The following RAD51B variants were observed in gnomAD, a reference collection of about 807,000 sequenced individuals.
The protein encoded by RAD51B is DNA repair protein RAD51 homolog 2.
RAD51B carries 38 observed loss-of-function variants against 42.2 expected under a neutral mutation model. The ratio of observed to expected loss-of-function variants is 0.90; its 90% CI spans 0.70 to 1.18. RAD51B has a LOEUF of 1.18. Among genes scored for constraint, RAD51B ranks in the 50% most tolerant of loss-of-function variants. The pLI is 0.00. For synonymous variants in RAD51B, 154 were observed against 145.2 expected (o/e 1.06, Z -0.43); for missense variants, 373 against 400.7 (o/e 0.93, Z 0.59).
intron 10 of RAD51B, among the ~76,000 whole-genome samples, chr14:68,526,277 A>T (rs1174252706): frequency 6.6e-6 from 1 of 152,226 alleles, no homozygotes; most frequent in Non-Finnish European, 1.5e-5. Context: ...GTCATGTGCC[A>T]CATAACAATG....
chr14:68,037,819 A>C (rs2076158078), intron 7 of RAD51B, among the ~76,000 whole-genome samples: 1 of 152,230 alleles, frequency 6.6e-6, no homozygotes, highest in African/African-American at 2.4e-5. Flanking sequence ...TCTGTTTTGT[A>C]GAGATAAACA....
Position 67,865,120 on chromosome 14 carries a change from T to A in RAD51B, c.433T>A (p.Ser145Thr). 6.2e-7 allele frequency: 1 copy of A among 1,600,822 alleles called. No homozygotes were observed. The highest frequency in any genetic ancestry group is 8.5e-7 in the Non-Finnish European group (1 of 1,174,226). ...EGAVVYIDTESAFSAERLVEI... is the reference protein window; with the variant it reads ...EGAVVYIDTETAFSAERLVEI... ...AGCTGTGGTGTACATTGACACAGAG[T>A]CTGCATTTAGTGCTGAAAGGTATGA... The change falls in exon 5 of 11, where the codon TCT becomes ACT. Residue 145 changes from serine to threonine, a missense_variant. Coordinates refer to ENST00000471583, the MANE Select transcript of RAD51B (RefSeq NM_133510.4).
At chr14:68,004,384 A>G (rs1016904172) in intron 7 of RAD51B, among the ~76,000 whole-genome samples, 70 of 148,216 alleles carry the variant, frequency 4.7e-4, no homozygotes, top group African/African-American at 1.5e-3. Flanking sequence ...TTTTGTTACT[A>G]TTTTGTTTAA....
chr14:68,275,872 A>G (rs911173654), intron 7 of RAD51B, among the ~76,000 whole-genome samples: 2 of 149,384 alleles, frequency 1.3e-5, no homozygotes, highest in Non-Finnish European at 3.0e-5. Flanking sequence ...TGTTATTTCT[A>G]TTTTTTTGTC....
downstream of RAD51B, among the ~76,000 whole-genome samples, chr14:68,482,707 T>A (rs1457576916): frequency 3.9e-5 from 6 of 152,202 alleles, no homozygotes; most frequent in East Asian, 9.6e-4. Context: ...AAGGCACTCA[T>A]CACACTTCTC....
intron 7 of RAD51B, among the ~76,000 whole-genome samples, chr14:68,119,473 C>T: frequency 8.7e-6 from 1 of 114,690 alleles, no homozygotes. Context: ...CCCCCCTCCC[C>T]CCACCCCACA....
At chr14:68,573,948 G>T (rs530219846) in intron 10 of RAD51B, among the ~76,000 whole-genome samples, 11 of 148,400 alleles carry the variant, frequency 7.4e-5, no homozygotes, top group Non-Finnish European at 1.3e-4. Flanking sequence ...TGCTGTGTGT[G>T]TGGGGGTGTG....
intron 9 of RAD51B, among the ~76,000 whole-genome samples, chr14:68,423,861 CAACAG>C (rs1413713949): frequency 6.6e-6 from 1 of 152,164 alleles, no homozygotes; most frequent in African/African-American, 2.4e-5. Context: ...CTCTGTGTGG[CAACAG>C]AACACTTTTG....
At chr14:67,910,622 A>G (rs530058109) in intron 7 of RAD51B, among the ~76,000 whole-genome samples, 1 of 151,770 alleles carries the variant, frequency 6.6e-6, no homozygotes, top group South Asian at 2.1e-4. Context: ...CTGGATTTGT[A>G]TTTTACCATA....
chr14:67,970,567 T>C (rs1349438444), intron 7 of RAD51B, among the ~76,000 whole-genome samples: 1 of 152,076 alleles, frequency 6.6e-6, no homozygotes, highest in Non-Finnish European at 1.5e-5. Flanking sequence ...TTCTGTCATC[T>C]TGATAAACCT....
chr14:68,450,143 G>A (rs922681794), intron 9 of RAD51B, among the ~76,000 whole-genome samples: 5 of 151,400 alleles, frequency 3.3e-5, no homozygotes, highest in South Asian at 2.1e-4. Context: ...CCTGGTAGGC[G>A]GATAGGAGCA....
intron 7 of RAD51B, among the ~76,000 whole-genome samples, chr14:67,924,284 T>G (rs1031876494): frequency 6.6e-6 from 1 of 152,200 alleles, no homozygotes; most frequent in African/African-American, 2.4e-5. Context: ...TTTGGGTTCT[T>G]GGTCATGAAA....
chr14:68,039,512 C>G (rs1329544865), intron 7 of RAD51B, among the ~76,000 whole-genome samples: 1 of 151,102 alleles, frequency 6.6e-6, no homozygotes, highest in Admixed American at 6.6e-5. Context: ...AATATTCTTT[C>G]AGGACAGTAT....
intron 7 of RAD51B, among the ~76,000 whole-genome samples, chr14:68,043,156 G>A (rs1436244405): frequency 6.6e-6 from 1 of 152,170 alleles, no homozygotes; most frequent in African/African-American, 2.4e-5. Flanking sequence ...TTAATTCTCT[G>A]GTTGGTGGTT....
At chr14:68,528,155 T>A (rs1042908962) in intron 10 of RAD51B, among the ~76,000 whole-genome samples, 1 of 152,208 alleles carries the variant, frequency 6.6e-6, no homozygotes, top group African/African-American at 2.4e-5. Context: ...GTACCATACA[T>A]CCTGAATGGA....
At chr14:67,940,046 ATATATATATTTTTTTTTTTTTTT>A (rs1216598217) in intron 7 of RAD51B, among the ~76,000 whole-genome samples, 11 of 14,658 alleles carry the variant, frequency 7.5e-4, no homozygotes, top group African/African-American at 1.4e-3. Flanking sequence ...ATATATATAT[ATATATATATTTTTTTTTTTTTTT>A]TTTTTTTTTT....
intron 9 of RAD51B, among the ~76,000 whole-genome samples, chr14:68,463,627 C>T (rs1187257397): frequency 6.6e-6 from 1 of 152,004 alleles, no homozygotes; most frequent in Non-Finnish European, 1.5e-5. Context: ...ATAGTAAAAG[C>T]AATATGCATC....
downstream of RAD51B, among the ~76,000 whole-genome samples, chr14:68,612,606 T>C (rs910988996): frequency 1.3e-4 from 19 of 151,676 alleles, no homozygotes; most frequent in African/African-American, 4.6e-4. Context: ...TTACCAGAGG[T>C]TGGGGTGGAG....
intron 10 of RAD51B, among the ~76,000 whole-genome samples, chr14:68,635,644 G>T (rs1892325650): frequency 6.6e-6 from 1 of 151,978 alleles, no homozygotes; most frequent in African/African-American, 2.4e-5. Flanking sequence ...TATTTGTGAG[G>T]TATTTCACCT....
Sources: gnomAD v4.1 joint callset for allele counts (sites outside exome capture counted in the v4.1 genomes callset) on GRCh38, gnomAD v4.1.1 for gene constraint, MANE v1.5 for transcripts, NCBI Gene and HGNC (gene_info 2026-07-23, HGNC 2026-07-21) for gene names.